ASCC3: variants seen among roughly 807,000 people sequenced by gnomAD.
ASCC3 encodes ASC-1 complex subunit P200.
Under a neutral mutation model 256.3 loss-of-function variants are expected in ASCC3, and 158 were observed. The ratio of observed to expected loss-of-function variants is 0.62; its 90% CI spans 0.54 to 0.70. ASCC3 has a LOEUF of 0.70. Among genes scored for constraint, ASCC3 ranks in the 30% least tolerant of loss-of-function variants. The pLI, the probability that ASCC3 is intolerant of heterozygous loss-of-function variation, is 0.00. For missense variants in ASCC3, 2,259 were observed against 2,626.0 expected, an observed-to-expected ratio of 0.86 and a Z score of 3.05; for synonymous variants, 948 against 883.4, an observed-to-expected ratio of 1.07 and a Z score of -1.30.
chr6:100,785,948 C>T (rs1387286084), intron 8 of ASCC3, among the ~76,000 whole-genome samples: 2 of 152,072 alleles, frequency 1.3e-5, no homozygotes, highest in Admixed American at 6.6e-5. Flanking sequence ...CCATGTTTAA[C>T]AAGAATTTCA....
In ASCC3 at chr6:100,655,583, TC is replaced by T. The variant is rs983684125; in HGVS notation, c.2823+115del. The T allele has an allele frequency of 4.2e-6, 5 of 1,198,050 alleles. No individual in the cohort carries two copies. In the African/African-American group the frequency reaches 7.7e-5, roughly 19 times the overall value. The allele number at this position is 1,198,050 out of a possible 1,614,324, so 74.2% of individuals were successfully genotyped here. Reference sequence around the variant, plus strand: ...TGAAAAATATTAAATCTCTTGTTTTTCTTCTAGGTACCTCTTTTCAGATGAG... The same window carrying T: ...TGAAAAATATTAAATCTCTTGTTTTTTTCTAGGTACCTCTTTTCAGATGAG... On this transcript the variant is annotated intron_variant, in intron 17 of 41. Transcript: ENST00000369162.
intron 10 of ASCC3, among the ~76,000 whole-genome samples, chr6:100,732,900 T>C (rs1562258624): frequency 1.3e-5 from 2 of 152,150 alleles, no homozygotes; most frequent in East Asian, 3.9e-4. Flanking sequence ...TTTTCTGTTA[T>C]TTCCCCCTCC....
intron 36 of ASCC3, among the ~76,000 whole-genome samples, chr6:100,579,777 G>A (rs181447704): frequency 2.6e-4 from 40 of 152,154 alleles, no homozygotes; most frequent in African/African-American, 9.4e-4. Flanking sequence ...CTCCAGCTTG[G>A]TTCCTTTTGT....
chr6:100,588,176 C>A (rs1002761585), intron 36 of ASCC3, among the ~76,000 whole-genome samples: 5 of 152,062 alleles, frequency 3.3e-5, no homozygotes, highest in African/African-American at 1.2e-4. Flanking sequence ...TTATTAATAT[C>A]AAATAAGTGG....
At chr6:100,574,282 T>C (rs1486754213) in intron 36 of ASCC3, among the ~76,000 whole-genome samples, 1 of 152,150 alleles carries the variant, frequency 6.6e-6, no homozygotes, top group African/African-American at 2.4e-5. Flanking sequence ...TGCAACCTTT[T>C]TATGTACCTT....
chr6:100,799,746 G>C (rs949769216), intron 6 of ASCC3, among the ~76,000 whole-genome samples, 174 bp from the exon 7 acceptor site: 2 of 151,852 alleles, frequency 1.3e-5, no homozygotes, highest in African/African-American at 4.8e-5. Context: ...GACAAAATAG[G>C]ATTCAGTACA....
chr6:100,873,248 C>G (rs1773837249), intron 1 of ASCC3, among the ~76,000 whole-genome samples: 1 of 152,068 alleles, frequency 6.6e-6, no homozygotes, highest in Non-Finnish European at 1.5e-5. Flanking sequence ...TCTGGAAAGT[C>G]TCAGCAATAA....
chr6:100,651,329 A>G (rs1775659726), intron 19 of ASCC3, among the ~76,000 whole-genome samples: 1 of 151,930 alleles, frequency 6.6e-6, no homozygotes, highest in Non-Finnish European at 1.5e-5. Flanking sequence ...CAGTTTCATT[A>G]CTGCAAAACC....
At chr6:100,603,873 A>G (rs1582539182) in intron 33 of ASCC3, among the ~76,000 whole-genome samples, 1 of 152,196 alleles carries the variant, frequency 6.6e-6, no homozygotes, top group East Asian at 1.9e-4. Context: ...TATATTAATG[A>G]GAGACGTTTG....
intron 4 of ASCC3, among the ~76,000 whole-genome samples, chr6:100,828,107 A>AAAAC (rs1554239583): frequency 0.019 from 2,884 of 150,964 alleles, 116 homozygotes; most frequent in East Asian, 0.14. Context: ...AAAAAAAAAA[A>AAAAC]ACGAAAAAAA....
chr6:100,580,370 T>C (rs143572582), intron 36 of ASCC3, among the ~76,000 whole-genome samples: 4 of 152,034 alleles, frequency 2.6e-5, no homozygotes, highest in Admixed American at 1.3e-4. Flanking sequence ...TAGGACTAGA[T>C]ACAATCAAGA....
chr6:100,642,620 G>T lies in ASCC3; in HGVS notation c.3862C>A (p.Gln1288Lys), dbSNP rs776380528. 9.3e-6 allele frequency: 15 copies of T among 1,613,922 alleles called. No individual in the cohort carries two copies. Among genetic ancestry groups the T allele is most frequent in the Non-Finnish European group, 1.3e-5 (15 of 1,179,888 alleles). ...TGTCTCTCTGGTAGAATTAGATGTT[G>T]AAAGTTGATAATACATACTGCCTCA... ...GAEAVCIINFQHLILPERHPP... is the reference protein window; with the variant it reads ...GAEAVCIINFKHLILPERHPP... Residue 1288 changes from glutamine to lysine, a missense_variant, in exon 24 of 42, where the codon CAA (glutamine) becomes AAA (lysine). Gln to Lys is a moderately conservative substitution (Grantham distance 53). This residue lies in a region of ASCC3 where 1,839 missense variants were observed against 2,206.7 expected (regional missense o/e 0.83). Coordinates refer to ENST00000369162, the MANE Select transcript of ASCC3 (RefSeq NM_006828.4).
intron 30 of ASCC3, among the ~76,000 whole-genome samples, chr6:100,609,506 A>C (rs1041582329): frequency 1.3e-5 from 2 of 150,960 alleles, no homozygotes; most frequent in Non-Finnish European, 3.0e-5. Context: ...CGCTCTCTGA[A>C]TATTCTATCA....
intron 30 of ASCC3, among the ~76,000 whole-genome samples, chr6:100,613,774 T>C (rs1320764285): frequency 1.3e-5 from 2 of 152,182 alleles, no homozygotes. Context: ...ATAGAGGTTG[T>C]TCTAATTTAC....
At chr6:100,851,005 C>T (rs1373832932) in intron 3 of ASCC3, among the ~76,000 whole-genome samples, 2 of 152,008 alleles carry the variant, frequency 1.3e-5, no homozygotes, top group East Asian at 1.9e-4. Context: ...GATAGTATTG[C>T]TAACACTTTG....
intron 10 of ASCC3, among the ~76,000 whole-genome samples, chr6:100,748,710 G>T (rs1780798602): frequency 6.6e-6 from 1 of 151,906 alleles, no homozygotes; most frequent in South Asian, 2.1e-4. Flanking sequence ...ATAATAATGA[G>T]AACTGAAGTA....
chr6:100,667,872 C>T (rs1480438613), intron 14 of ASCC3, among the ~76,000 whole-genome samples: 1 of 151,690 alleles, frequency 6.6e-6, no homozygotes, highest in Non-Finnish European at 1.5e-5. Context: ...CTGAAGATTT[C>T]TGAGAAGGAG....
At chr6:100,711,571 A>G (rs1429535601) in intron 13 of ASCC3, among the ~76,000 whole-genome samples, 1 of 151,900 alleles carries the variant, frequency 6.6e-6, no homozygotes, top group East Asian at 1.9e-4. Context: ...TACTAAAAAT[A>G]CAAAAAAAAT....
chr6:100,779,049 T>G (rs1014246759), intron 8 of ASCC3, among the ~76,000 whole-genome samples: 4 of 152,104 alleles, frequency 2.6e-5, no homozygotes, highest in African/African-American at 9.7e-5. Flanking sequence ...AAGATCAACA[T>G]AAAAGATGAA....
Sources: allele counts gnomAD v4.1 joint callset (sites outside exome capture counted in the v4.1 genomes callset), GRCh38; gene constraint gnomAD v4.1.1; regional missense constraint gnomAD v4.1.1; transcripts MANE v1.5; gene names NCBI Gene and HGNC (gene_info 2026-07-23, HGNC 2026-07-21).